PCSK1: variants seen among roughly 807,000 people sequenced by gnomAD.
The protein encoded by PCSK1 is proprotein convertase subtilisin/kexin type 1.
A neutral mutation model predicts 90.6 loss-of-function variants in PCSK1; 56 were observed. The observed-to-expected ratio is 0.62, with a 90% confidence interval of 0.50 to 0.77. PCSK1 has a LOEUF of 0.77. Among genes scored for constraint, PCSK1 ranks in the 30% least tolerant of loss-of-function variants. The pLI is 0.00. For synonymous variants in PCSK1, 348 were observed against 342.4 expected (o/e 1.02, Z -0.18); for missense variants, 801 against 932.6 (o/e 0.86, Z 1.84).
chr5:96,423,657 G>A (rs71528509), intron 3 of PCSK1, among the ~76,000 whole-genome samples, 198 bp from the exon 4 acceptor site: 12 of 152,268 alleles, frequency 7.9e-5, no homozygotes, highest in South Asian at 6.2e-4. Flanking sequence ...CTCTTCTCCC[G>A]ATTGTCCCAA....
rs114452866 is a variant in PCSK1, at chr5:96,405,207, G to A, written c.1196+3016C>T. Among the ~76,000 whole-genome samples, 769 of 152,294 alleles carry A rather than the reference G, an allele frequency of 5.0e-3. 8 individuals are homozygous for A. Among genetic ancestry groups the A allele is most frequent in the African/African-American group, 0.018 (733 of 41,568 alleles). ...GATCAGTCATACTTATCTTACTGAT[G>A]AATTGAGTCAAAATGAAGGGAATTA... On this transcript the variant is annotated intron_variant, in intron 9 of 13. Coordinates refer to ENST00000311106, the MANE Select transcript of PCSK1 (RefSeq NM_000439.5).
chr5:96,412,752 G>GTTT lies in PCSK1; in HGVS notation c.710-265_710-263dup, dbSNP rs57397343. ...CATGCACTGTGTAGGCAGCTGTGAT[G>GTTT]TTTTTTTTTTTTTTTTTTTTTTTGG... is the stretch of plus-strand genomic sequence containing the variant. On this transcript the variant is annotated intron_variant, in intron 6 of 13. Transcript: ENST00000311106. Among the ~76,000 whole-genome samples, 651 of 71,748 alleles carry GTTT rather than the reference G, an allele frequency of 9.1e-3. 76 individuals carry two copies. The highest frequency in any genetic ancestry group is 0.039 in the African/African-American group (431 of 11,128). The allele number at this position is 71,748 out of a possible 152,430, so 47.1% of individuals were successfully genotyped here.
At chr5:96,424,979 T>A (rs866964759) in intron 3 of PCSK1, among the ~76,000 whole-genome samples, 1,788 of 65,456 alleles carry the variant, frequency 0.027, 50 homozygotes, top group African/African-American at 0.097. Flanking sequence ...AAAAGAAAGA[T>A]AGAAAGAAAG....
chr5:96,392,881 G>C lies in PCSK1; in HGVS notation c.*120C>G. ...TACAGTTTAGGGAGAAAAAGAAAAG[G>C]TGCCACAAAGGATATTATAAGCATA... On this transcript the variant is annotated 3_prime_UTR_variant, in exon 14 of 14. Coordinates refer to ENST00000311106, the MANE Select transcript of PCSK1 (RefSeq NM_000439.5). 5.0e-6 allele frequency: 5 copies of C among 1,006,140 alleles called. No individual in the cohort carries two copies. Among genetic ancestry groups the C allele is most frequent in the Non-Finnish European group, 7.7e-6 (5 of 647,680 alleles). The allele number at this position is 1,006,140 out of a possible 1,614,324, so 62.3% of individuals were successfully genotyped here.
chr5:96,412,169 T>G, intron 7 of PCSK1, 149 bp downstream of exon 7: 1 of 761,236 alleles, frequency 1.3e-6, no homozygotes, highest in Non-Finnish European at 2.3e-6. Context: ...TGAAGAATGA[T>G]TTGGCCCTCT....
intron 9 of PCSK1, among the ~76,000 whole-genome samples, chr5:96,404,917 C>A (rs1308024507): frequency 6.6e-6 from 1 of 152,102 alleles, no homozygotes; most frequent in African/African-American, 2.4e-5. Context: ...ACAGTAAGAA[C>A]CTAATCAATA....
chr5:96,393,261 G>A lies in PCSK1; in HGVS notation c.2002C>T (p.Leu668=), dbSNP rs1363454322. 14 of 1,614,024 alleles carry A rather than the reference G, an allele frequency of 8.7e-6. 1 individual carries two copies. The highest frequency in any genetic ancestry group is 7.7e-5 in the South Asian group (7 of 91,078). Residue 668 remains leucine (L), a synonymous_variant, in exon 14 of 14, where the codon CTG becomes TTG. Coordinates refer to ENST00000311106, the MANE Select transcript of PCSK1 (RefSeq NM_000439.5). ...CTGAAAGCACTTTGCAGGAGTCGCAGCATGGCCTGGGAAGGGGCTCCCTCC... is the reference window on the plus strand; with the variant it reads ...CTGAAAGCACTTTGCAGGAGTCGCAACATGGCCTGGGAAGGGGCTCCCTCC... ...LEEGAPSQAM[L]RLLQSAFSKN... is the part of the protein sequence containing the mutation.
At chr5:96,420,793 G>T (rs954013465) in intron 5 of PCSK1, among the ~76,000 whole-genome samples, 1 of 151,710 alleles carries the variant, frequency 6.6e-6, no homozygotes, top group Non-Finnish European at 1.5e-5. Flanking sequence ...GAGAAAGAGA[G>T]AGAGAGAGAG....
chr5:96,427,571 CATA>C lies in PCSK1; in HGVS notation c.285+1639_285+1641del, dbSNP rs554995510. 3.1e-3 allele frequency among the ~76,000 whole-genome samples: 472 copies of C among 152,072 alleles called. 3 individuals are homozygous for C. Among genetic ancestry groups the C allele is most frequent in the Non-Finnish European group, 5.6e-3 (379 of 67,978 alleles). The stretch of plus-strand genomic sequence containing the variant: ...GGAGAAGGAATTCTTAGCATTTTTT[CATA>C]ATGTCTTGAGATTCCACCCCTCCCC... On this transcript the variant is annotated intron_variant, in intron 2 of 13. Coordinates refer to ENST00000311106, the MANE Select transcript of PCSK1 (RefSeq NM_000439.5).
chr5:96,427,525 T>G (rs182973415), intron 2 of PCSK1, among the ~76,000 whole-genome samples: 277 of 152,298 alleles, frequency 1.8e-3, no homozygotes, highest in African/African-American at 6.3e-3. Flanking sequence ...GGCTAATTTT[T>G]TACAAAGTTA....
At chr5:96,422,083 AT>A in intron 4 of PCSK1, 127 bp from the exon 5 acceptor site, 1 of 690,994 alleles carries the variant, frequency 1.4e-6, no homozygotes, top group Non-Finnish European at 2.6e-6. Context: ...AAAAGCCTGC[AT>A]TTTAGAGTTT....
intron 1 of PCSK1, 60 bp from the exon 2 acceptor site, chr5:96,429,377 G>A: frequency 1.1e-6 from 1 of 914,412 alleles, no homozygotes; most frequent in South Asian, 1.4e-5. Context: ...ATATGGACTA[G>A]TTTAAAACTC....
intron 9 of PCSK1, among the ~76,000 whole-genome samples, chr5:96,405,462 T>A (rs1242158499): frequency 1.3e-5 from 2 of 152,076 alleles, no homozygotes; most frequent in Admixed American, 6.5e-5. Flanking sequence ...GAGACTGAGA[T>A]TAATGAGGCT....
intron 2 of PCSK1, among the ~76,000 whole-genome samples, chr5:96,426,851 A>C (rs1170698049): frequency 1.3e-5 from 2 of 152,222 alleles, no homozygotes. Context: ...GGATAAAACC[A>C]TCCACTAAGA....
Position 96,390,868 on chromosome 5 carries a change from A to T in PCSK1, c.*2133T>A, listed in dbSNP as rs1759914164. On this transcript the variant is annotated 3_prime_UTR_variant, in exon 14 of 14. Coordinates refer to ENST00000311106, the MANE Select transcript of PCSK1 (RefSeq NM_000439.5). The stretch of plus-strand genomic sequence containing the variant: ...TCAATATGATTTTATTTAAATATTA[A>T]AGCTTCTTGAGAGTGAACCTTTGGC... 6.6e-6 allele frequency: 1 copy of T among 152,628 alleles called. No homozygotes were observed. The highest frequency in any genetic ancestry group is 2.4e-5 in the African/African-American group (1 of 41,454). 9.5% of individuals were successfully genotyped at this position (152,628 alleles called of 1,614,324 possible). A position where few individuals can be genotyped will look rare whatever the true frequency, so the allele number is the denominator to read the frequency against.
chr5:96,402,665 C>T (rs79539657), intron 9 of PCSK1, among the ~76,000 whole-genome samples: 1,823 of 152,224 alleles, frequency 0.012, 17 homozygotes, highest in Non-Finnish European at 0.019. Flanking sequence ...GTGTTTTCTC[C>T]GGTTTCAGAC....
At chr5:96,395,156 C>G in intron 12 of PCSK1, 131 bp from the exon 13 acceptor site, 1 of 764,414 alleles carries the variant, frequency 1.3e-6, no homozygotes. Context: ...GTGAAAGAAA[C>G]CATTGGATCC....
rs200208793 is a variant in PCSK1, at chr5:96,425,966, A to G, written c.286-36T>C. Reference sequence around the variant, plus strand: ...TTTTATAGCAAGAAAATCAAAAGTCAAATATCTACCTCTGTATACTTCCTC... The same window carrying G: ...TTTTATAGCAAGAAAATCAAAAGTCGAATATCTACCTCTGTATACTTCCTC... On this transcript the variant is annotated intron_variant, in intron 2 of 13. Coordinates refer to ENST00000311106, the MANE Select transcript of PCSK1 (RefSeq NM_000439.5). 1,465 of 1,184,792 alleles carry G rather than the reference A, an allele frequency of 1.2e-3. 2 individuals carry two copies. Among genetic ancestry groups the G allele is most frequent in the Non-Finnish European group, 1.8e-3 (1,392 of 792,846 alleles). 73.4% of individuals were successfully genotyped at this position (1,184,792 alleles called of 1,614,324 possible). A position where few individuals can be genotyped will look rare whatever the true frequency, so the allele number is the denominator to read the frequency against.
At chr5:96,419,380 CTTA>C (rs1188809392) in intron 5 of PCSK1, among the ~76,000 whole-genome samples, 1 of 120,534 alleles carries the variant, frequency 8.3e-6, no homozygotes, top group African/African-American at 3.4e-5. Flanking sequence ...TTATATAATA[CTTA>C]TTATATATAT....
Sources: allele counts gnomAD v4.1 joint callset (sites outside exome capture counted in the v4.1 genomes callset), GRCh38; gene constraint gnomAD v4.1.1; transcripts MANE v1.5; gene names NCBI Gene and HGNC (gene_info 2026-07-23, HGNC 2026-07-21).